The following IFT88 variants were observed in gnomAD, a reference collection of about 807,000 sequenced individuals.
The protein encoded by IFT88 is intraflagellar transport protein 88 homolog.
IFT88 carries 74 observed loss-of-function variants against 119.5 expected under a neutral mutation model. That is an observed-to-expected ratio of 0.62 (90% confidence interval 0.51 to 0.75). IFT88 has a LOEUF of 0.75. IFT88 is among the 30% of genes least tolerant of loss of function. The probability of loss-of-function intolerance (pLI) is 0.00; values close to 1 mark genes in which losing one functional copy is unlikely to be tolerated. For synonymous variants in IFT88, 279 were observed against 316.7 expected, an observed-to-expected ratio of 0.88 and a Z score of 1.26; for missense variants, 961 against 977.7, an observed-to-expected ratio of 0.98 and a Z score of 0.23.
intron 1 of IFT88, among the ~76,000 whole-genome samples, chr13:20,568,369 C>G (rs2035410706): frequency 6.6e-6 from 1 of 152,188 alleles, no homozygotes; most frequent in African/African-American, 2.4e-5. Context: ...ATGCTTGATT[C>G]CCTTCAACTT....
chr13:20,662,959 A>G (rs2054063075), intron 22 of IFT88, among the ~76,000 whole-genome samples: 1 of 152,182 alleles, frequency 6.6e-6, no homozygotes, highest in Non-Finnish European at 1.5e-5. Flanking sequence ...TTAACACAAA[A>G]CTTTTTATTG....
At chr13:20,594,273 A>G (rs73163293) in intron 7 of IFT88, among the ~76,000 whole-genome samples, 4,428 of 152,184 alleles carry the variant, frequency 0.029, 108 homozygotes, top group Non-Finnish European at 0.043. Flanking sequence ...CAAAATCTCC[A>G]TGTAACTGAT....
At chr13:20,574,765 A>C (rs2037049404) in intron 2 of IFT88, among the ~76,000 whole-genome samples, 1 of 152,226 alleles carries the variant, frequency 6.6e-6, no homozygotes, top group African/African-American at 2.4e-5. Context: ...ACCTGAAAGT[A>C]TTTAAAATTA....
In IFT88 at chr13:20,596,997, G is replaced by A; in HGVS notation, c.490-18G>A. On this transcript the variant is annotated intron_variant, in intron 8 of 25. Transcript: ENST00000351808. The stretch of plus-strand genomic sequence containing the variant: ...ATGAACACTCAAAGGAAGTTACAAG[G>A]TATAAATCTGATTTCAGGCCTTAGA... The A allele has an allele frequency of 1.4e-6, 2 of 1,430,644 alleles. No homozygotes were observed. Among genetic ancestry groups the A allele is most frequent in the Non-Finnish European group, 1.9e-6 (2 of 1,030,352 alleles). The allele number at this position is 1,430,644 out of a possible 1,614,324, so 88.6% of individuals were successfully genotyped here. A position where few individuals can be genotyped will look rare whatever the true frequency, so the allele number is the denominator to read the frequency against.
Position 20,617,537 on chromosome 13 carries a change from G to A in IFT88, c.1199+1658G>A, listed in dbSNP as rs530003192. The stretch of plus-strand genomic sequence containing the variant: ...ACCCAAAGAAGGAATTCAAGTCCTA[G>A]ATAAGTAAATCTTCAATTTGCTATT... On this transcript the variant is annotated intron_variant, in intron 14 of 25. Coordinates refer to ENST00000351808, the MANE Select transcript of IFT88 (RefSeq NM_006531.5). Among the ~76,000 whole-genome samples, 155 of 152,322 alleles carry A rather than the reference G, an allele frequency of 1.0e-3. 1 individual carries two copies. Among genetic ancestry groups the A allele is most frequent in the African/African-American group, 3.6e-3 (150 of 41,572 alleles).
chr13:20,601,261 G>A (rs1324304389), intron 11 of IFT88, among the ~76,000 whole-genome samples: 1 of 151,994 alleles, frequency 6.6e-6, no homozygotes, highest in Non-Finnish European at 1.5e-5. Flanking sequence ...AGCTATTCAG[G>A]AGGCTGAGGT....
chr13:20,602,133 TAAAAC>T (rs905218860), intron 12 of IFT88, among the ~76,000 whole-genome samples, 200 bp downstream of exon 12: 45 of 151,586 alleles, frequency 3.0e-4, no homozygotes, highest in African/African-American at 1.0e-3. Flanking sequence ...AGATTATGGT[TAAAAC>T]AGACTGCACA....
At chr13:20,659,622 T>A (rs1473160083) in intron 22 of IFT88, among the ~76,000 whole-genome samples, 4 of 148,610 alleles carry the variant, frequency 2.7e-5, no homozygotes, top group African/African-American at 7.5e-5. Context: ...TACTTTATAC[T>A]ATTAACTTTT....
chr13:20,638,659 C>T (rs781419471), intron 17 of IFT88, 141 bp downstream of exon 17: 2 of 446,114 alleles, frequency 4.5e-6, no homozygotes, highest in African/African-American at 2.0e-5. Context: ...ACTACTGCCT[C>T]TCAGATTATA....
In IFT88 at chr13:20,644,958, A is replaced by G. The variant is rs750405430; in HGVS notation, c.1949A>G (p.Gln650Arg). Residue 650 changes from glutamine (Q) to arginine (R), a missense_variant and splice_region_variant, in exon 20 of 26, where the codon CAG (glutamine) becomes CGG (arginine). Gln to Arg is a conservative substitution (Grantham distance 43). Coordinates refer to ENST00000351808, the MANE Select transcript of IFT88 (RefSeq NM_006531.5). The stretch of plus-strand genomic sequence containing the variant: ...TACTTTGAAAGAGCTTCTCTTATAC[A>G]GTAAGTAATCATTAGGATTTTATGT... ...IQYFERASLI[Q>R]PTQVKWQLMV... The G allele has an allele frequency of 4.3e-6, 6 of 1,391,658 alleles. No homozygotes were observed. The highest frequency in any genetic ancestry group is 2.4e-5 in the South Asian group (2 of 81,638). 86.2% of individuals were successfully genotyped at this position (1,391,658 alleles called of 1,614,324 possible). A position where few individuals can be genotyped will look rare whatever the true frequency, so the allele number is the denominator to read the frequency against.
At chr13:20,620,123 G>C (rs948647281) in intron 14 of IFT88, among the ~76,000 whole-genome samples, 2 of 151,998 alleles carry the variant, frequency 1.3e-5, no homozygotes, top group African/African-American at 4.8e-5. Flanking sequence ...TTCTTCTAGA[G>C]GTTTTACCTT....
intron 24 of IFT88, among the ~76,000 whole-genome samples, chr13:20,683,536 A>G (rs2057551677): frequency 1.3e-5 from 2 of 152,192 alleles, no homozygotes; most frequent in African/African-American, 4.8e-5. Flanking sequence ...TTCACAATGC[A>G]AAATATAACT....
chr13:20,616,966 CAG>C (rs1412256632), intron 14 of IFT88, among the ~76,000 whole-genome samples: 2 of 151,976 alleles, frequency 1.3e-5, no homozygotes, highest in African/African-American at 2.4e-5. Flanking sequence ...TGTTTTGAGA[CAG>C]AGTCTTGTTC....
At chr13:20,592,943 A>G (rs908648269) in intron 7 of IFT88, among the ~76,000 whole-genome samples, 5 of 151,424 alleles carry the variant, frequency 3.3e-5, no homozygotes, top group African/African-American at 9.8e-5. Context: ...ATTCTGTGCA[A>G]TTTTATTGTG....
At chr13:20,632,380 G>A (rs2090300610) in intron 16 of IFT88, among the ~76,000 whole-genome samples, 1 of 152,160 alleles carries the variant, frequency 6.6e-6, no homozygotes, top group Non-Finnish European at 1.5e-5. Context: ...GGCCAAGGAA[G>A]GGCCCAGATG....
At chr13:20,661,018 T>C (rs1049554506) in intron 22 of IFT88, among the ~76,000 whole-genome samples, 1 of 152,240 alleles carries the variant, frequency 6.6e-6, no homozygotes, top group African/African-American at 2.4e-5. Context: ...TATCCATTCA[T>C]TTGTTCCCCA....
intron 19 of IFT88, among the ~76,000 whole-genome samples, 170 bp downstream of exon 19, chr13:20,643,775 A>G (rs2050310788): frequency 6.6e-6 from 1 of 152,216 alleles, no homozygotes; most frequent in African/African-American, 2.4e-5. Flanking sequence ...TTGTTTTGAG[A>G]TAGAGTCTTG....
chr13:20,578,274 C>T (rs1192283237), intron 2 of IFT88, among the ~76,000 whole-genome samples: 2 of 151,000 alleles, frequency 1.3e-5, no homozygotes, highest in Non-Finnish European at 3.0e-5. Context: ...GTCTCGATCT[C>T]CTGACCTCAT....
intron 24 of IFT88, among the ~76,000 whole-genome samples, chr13:20,690,357 T>C (rs1205720664): frequency 2.6e-5 from 4 of 152,172 alleles, no homozygotes; most frequent in Non-Finnish European, 5.9e-5. Context: ...GTGATACATA[T>C]TACATTTTTT....
Sources: gnomAD v4.1 joint callset for allele counts (sites outside exome capture counted in the v4.1 genomes callset) on GRCh38, gnomAD v4.1.1 for gene constraint, MANE v1.5 for transcripts, NCBI Gene and HGNC (gene_info 2026-07-23, HGNC 2026-07-21) for gene names.